The following VIL1 variants were observed in gnomAD, a reference collection of about 807,000 sequenced individuals.
VIL1 encodes the protein villin-1.
In VIL1, 86 loss-of-function variants were observed where a neutral mutation model predicts 104.0. That is an observed-to-expected ratio of 0.83 (90% CI 0.69 to 0.99). The LOEUF (loss-of-function observed/expected upper bound fraction) is 0.99, where lower values mean the gene tolerates loss of function less well. Ranked by LOEUF, VIL1 falls within the 50% of genes least tolerant of loss-of-function variation. The pLI, the probability that VIL1 is intolerant of heterozygous loss-of-function variation, is 0.00. For missense variants in VIL1, 944 were observed against 1,054.1 expected (o/e 0.90, Z 1.45); for synonymous variants, 394 against 412.6 (o/e 0.95, Z 0.55).
intron 19 of VIL1, among the ~76,000 whole-genome samples, chr2:218,441,372 G>C (rs867851464): frequency 2.3e-4 from 35 of 151,058 alleles, no homozygotes; most frequent in African/African-American, 7.6e-4. Flanking sequence ...CTGGGTGACA[G>C]AGTGAGACTG....
intron 13 of VIL1, 78 bp from the exon 14 acceptor site, chr2:218,434,448 A>C: frequency 2.1e-6 from 3 of 1,439,874 alleles, no homozygotes; most frequent in Non-Finnish European, 2.8e-6. Context: ...GCCCTACCCT[A>C]TCCCCCTCTG....
At chr2:218,448,050 A>G (rs1689394307) in intron 19 of VIL1, among the ~76,000 whole-genome samples, 1 of 152,170 alleles carries the variant, frequency 6.6e-6, no homozygotes, top group Non-Finnish European at 1.5e-5. Flanking sequence ...GTTTGAGCTC[A>G]GGGGTTCCAG....
chr2:218,428,838 A>G (rs1200510418), intron 6 of VIL1, among the ~76,000 whole-genome samples: 1 of 152,056 alleles, frequency 6.6e-6, no homozygotes, highest in Non-Finnish European at 1.5e-5. Flanking sequence ...CACCTGGCTA[A>G]TTTTTTGTAT....
At chr2:218,421,905 G>A (rs1180885770) in intron 1 of VIL1, among the ~76,000 whole-genome samples, 6 of 152,152 alleles carry the variant, frequency 3.9e-5, no homozygotes, top group African/African-American at 1.4e-4. Context: ...GACCCCCTCA[G>A]CTCATAGATG....
Position 218,430,847 on chromosome 2 carries a change from C to T in VIL1, c.1071C>T (p.Gly357=). 1.2e-6 allele frequency: 2 copies of T among 1,613,936 alleles called. No individual in the cohort carries two copies. The highest frequency in any genetic ancestry group is 1.7e-6 in the Non-Finnish European group (2 of 1,179,940). The change falls in exon 10 of 20, where the codon GGC becomes GGT. Residue 357 remains glycine, a synonymous_variant. Coordinates refer to ENST00000248444, the MANE Select transcript of VIL1 (RefSeq NM_007127.3). The part of the protein sequence containing the change: ...QKWTASNRTS[G]LGKTHTVGSV... ...GGACAGCGTCCAACCGGACCTCAGGCCTAGGCAAAACCCACACTGTGGGCT... is the reference window on the plus strand; with the variant it reads ...GGACAGCGTCCAACCGGACCTCAGGTCTAGGCAAAACCCACACTGTGGGCT...
chr2:218,448,810 G>A (rs1204321102), intron 19 of VIL1, among the ~76,000 whole-genome samples: 1 of 152,070 alleles, frequency 6.6e-6, no homozygotes, highest in African/African-American at 2.4e-5. Context: ...TTCGAGACTA[G>A]CCTGGCCAAC....
Position 218,449,914 on chromosome 2 carries a change from G to A in VIL1, c.*578G>A, listed in dbSNP as rs878953363. The stretch of plus-strand genomic sequence containing the variant: ...GCACTTCCACTGGGGCTAGGCTTGA[G>A]ACCTAAAGGCAAGTATGAAATGCAT... On this transcript the variant is annotated 3_prime_UTR_variant, in exon 20 of 20. Coordinates refer to ENST00000248444, the MANE Select transcript of VIL1 (RefSeq NM_007127.3). The A allele has an allele frequency of 6.5e-6, 1 of 152,936 alleles. No homozygotes were observed. Among genetic ancestry groups the A allele is most frequent in the Non-Finnish European group, 1.5e-5 (1 of 68,604 alleles). The allele number at this position is 152,936 out of a possible 1,614,324, so 9.5% of individuals were successfully genotyped here. A position where few individuals can be genotyped will look rare whatever the true frequency, so the allele number is the denominator to read the frequency against.
At position 218,428,289 on chromosome 2, in the gene VIL1, T is replaced by C; in HGVS notation, c.519T>C (p.Leu173=). 1 of 1,614,130 alleles carries C rather than the reference T, an allele frequency of 6.2e-7. No homozygotes were observed. The highest frequency in any genetic ancestry group is 1.1e-5 in the South Asian group (1 of 91,082). The change falls in exon 6 of 20, where the codon CTT becomes CTC. Residue 173 remains leucine, a synonymous_variant. Coordinates refer to ENST00000248444, the MANE Select transcript of VIL1 (RefSeq NM_007127.3). ...GDVFLLDLGK[L]IIQWNGPEST... is the part of the protein sequence containing the mutation. ...TTTTCCTCCTGGACCTTGGGAAGCTTATCATCCAGTGGAATGGACCGGAAA... is the reference window on the plus strand; with the variant it reads ...TTTTCCTCCTGGACCTTGGGAAGCTCATCATCCAGTGGAATGGACCGGAAA...
chr2:218,444,960 T>TC (rs1689341351), intron 19 of VIL1, among the ~76,000 whole-genome samples: 1 of 152,156 alleles, frequency 6.6e-6, no homozygotes, highest in Non-Finnish European at 1.5e-5. Context: ...CCAGCCTGGC[T>TC]GGACCAGAGA....
rs1008985463 is a variant in VIL1 at position 218,435,565 on chromosome 2, C to T, written c.1826+131C>T. ...TGTGTCAGGCACTGTGCCAGACCCC[C>T]AGGGCTACAAGATGAATAAAGGGCA... On this transcript the variant is annotated intron_variant, in intron 15 of 19. Coordinates refer to ENST00000248444, the MANE Select transcript of VIL1 (RefSeq NM_007127.3). 5 of 1,282,152 alleles carry T rather than the reference C, an allele frequency of 3.9e-6. No homozygotes were observed. In the African/African-American group the frequency reaches 7.5e-5, roughly 19 times the overall value. 79.4% of individuals were successfully genotyped at this position (1,282,152 alleles called of 1,614,324 possible). A position where few individuals can be genotyped will look rare whatever the true frequency, so the allele number is the denominator to read the frequency against.
intron 1 of VIL1, among the ~76,000 whole-genome samples, chr2:218,423,061 A>G (rs1039094056): frequency 3.9e-5 from 6 of 152,198 alleles, no homozygotes; most frequent in African/African-American, 1.4e-4. Context: ...TCCCCAGCTG[A>G]GGCTGATGAG....
intron 4 of VIL1, 60 bp from the exon 5 acceptor site, chr2:218,427,905 A>G (rs1689030001): frequency 1.3e-6 from 2 of 1,522,484 alleles, no homozygotes; most frequent in Non-Finnish European, 1.8e-6. Flanking sequence ...GACCTGGGAG[A>G]ACAGGGGCCA....
At chr2:218,444,469 G>C (rs1215261191) in intron 19 of VIL1, among the ~76,000 whole-genome samples, 2 of 151,878 alleles carry the variant, frequency 1.3e-5, no homozygotes, top group African/African-American at 4.8e-5. Flanking sequence ...TAGTAGAGAC[G>C]GGGTTTCACT....
chr2:218,432,935 G>T lies in VIL1; in HGVS notation c.1484G>T (p.Arg495Leu), dbSNP rs144094165. ...CATCTTATGTCCATCTTCAAGGGAC[G>T]CATGGTGGTCTACCAGGTGTGGCTG... ...PPHLMSIFKG[R>L]MVVYQGGTSR... Residue 495 changes from arginine (R) to leucine (L), a missense_variant, in exon 13 of 20, where the codon CGC becomes CTC. Coordinates refer to ENST00000248444, the MANE Select transcript of VIL1 (RefSeq NM_007127.3). 6 of 1,614,052 alleles carry T rather than the reference G, an allele frequency of 3.7e-6. No homozygotes were observed. The highest frequency in any genetic ancestry group is 1.3e-5 in the African/African-American group (1 of 74,926).
Position 218,432,913 on chromosome 2 carries a change from C to T in VIL1, c.1462C>T (p.Leu488Phe), listed in dbSNP as rs1689125170. 6.2e-7 allele frequency: 1 copy of T among 1,614,100 alleles called. No individual in the cohort carries two copies. Among genetic ancestry groups the T allele is most frequent in the South Asian group, 1.1e-5 (1 of 91,090 alleles). ...CCCAATGGGCAAGGAGCCACCTCAT[C>T]TTATGTCCATCTTCAAGGGACGCAT... ...RVPMGKEPPH[L>F]MSIFKGRMVV... Residue 488 changes from leucine (L) to phenylalanine (F), a missense_variant, in exon 13 of 20, where the codon CTT becomes TTT. Leu to Phe is a conservative substitution (Grantham distance 22). Transcript: ENST00000248444.
chr2:218,430,682 C>G, intron 9 of VIL1, 43 bp from the exon 10 acceptor site: 1 of 1,544,932 alleles, frequency 6.5e-7, no homozygotes, highest in South Asian at 1.3e-5. Context: ...GGAGTGGGGA[C>G]TAGGGGAGGT....
At chr2:218,437,077 C>T in intron 16 of VIL1, 47 bp from the exon 17 acceptor site, 2 of 1,588,346 alleles carry the variant, frequency 1.3e-6, no homozygotes, top group Non-Finnish European at 1.7e-6. Context: ...GCCCTGTGGG[C>T]CAGGGAGGAC....
intron 3 of VIL1, 137 bp downstream of exon 3, chr2:218,424,488 C>T: frequency 1.1e-6 from 1 of 882,684 alleles, no homozygotes. Context: ...TGCCCAAGTG[C>T]CCAACCCTGT....
chr2:218,443,202 C>CT (rs5838696), intron 19 of VIL1, among the ~76,000 whole-genome samples: 128,462 of 141,968 alleles, frequency 0.9, 58,801 homozygotes, highest in East Asian at 0.99. Context: ...GTATTTCTTT[C>CT]TTTTTTTTTT....
Sources: gnomAD v4.1 joint callset for allele counts (sites outside exome capture counted in the v4.1 genomes callset) on GRCh38, gnomAD v4.1.1 for gene constraint, MANE v1.5 for transcripts, NCBI Gene and HGNC (gene_info 2026-07-23, HGNC 2026-07-21) for gene names.